EPHA3: variants seen among roughly 807,000 people sequenced by gnomAD.
The protein encoded by EPHA3 is EPH receptor A3.
In EPHA3, 42 loss-of-function variants were observed where a neutral mutation model predicts 107.1. That is an observed-to-expected ratio of 0.39 (90% CI 0.31 to 0.51). EPHA3 has a LOEUF of 0.51. EPHA3 is among the 20% of genes least tolerant of loss of function. The pLI, the probability that EPHA3 is intolerant of heterozygous loss-of-function variation, is 0.78. For synonymous variants in EPHA3, 461 were observed against 424.8 expected, an observed-to-expected ratio of 1.09 and a Z score of -1.05; for missense variants, 1,183 against 1,211.2, an observed-to-expected ratio of 0.98 and a Z score of 0.35.
At chr3:89,391,679 C>T (rs1300599581) in intron 5 of EPHA3, among the ~76,000 whole-genome samples, 3 of 151,546 alleles carry the variant, frequency 2.0e-5, no homozygotes, top group Non-Finnish European at 2.9e-5. Context: ...ATGATCCGCC[C>T]GCCTCGGCCT....
chr3:89,454,676 A>T (rs545790155), intron 15 of EPHA3, among the ~76,000 whole-genome samples: 1 of 152,340 alleles, frequency 6.6e-6, no homozygotes, highest in Admixed American at 6.5e-5. Flanking sequence ...CACTTATAAA[A>T]AAATCTCCTT....
chr3:89,214,431 T>C (rs1487713141), intron 3 of EPHA3, among the ~76,000 whole-genome samples: 1 of 151,964 alleles, frequency 6.6e-6, no homozygotes, highest in African/African-American at 2.4e-5. Flanking sequence ...TTTTAGAACA[T>C]TTAGATATGA....
At chr3:89,199,286 G>A (rs1301159327) in intron 2 of EPHA3, among the ~76,000 whole-genome samples, 6 of 152,094 alleles carry the variant, frequency 3.9e-5, no homozygotes, top group Non-Finnish European at 8.8e-5. Flanking sequence ...CATCACGATA[G>A]TTTTAAAAAG....
intron 3 of EPHA3, among the ~76,000 whole-genome samples, chr3:89,216,940 CT>C (rs1006213670): frequency 2.0e-5 from 3 of 152,058 alleles, no homozygotes; most frequent in Non-Finnish European, 2.9e-5. Context: ...AGAACTAGAT[CT>C]TTTTTTCCCT....
chr3:89,413,347 T>C, intron 10 of EPHA3, 81 bp downstream of exon 10: 1 of 1,527,746 alleles, frequency 6.5e-7, no homozygotes, highest in Non-Finnish European at 9.0e-7. Flanking sequence ...AGTATATTGC[T>C]AAAGAAATGG....
chr3:89,190,587 C>T (rs563667863), intron 2 of EPHA3, among the ~76,000 whole-genome samples: 9 of 152,222 alleles, frequency 5.9e-5, no homozygotes, highest in African/African-American at 1.7e-4. Context: ...CATGTTGACA[C>T]GATTGCTTCC....
At chr3:89,146,393 C>T (rs1402962934) in intron 2 of EPHA3, among the ~76,000 whole-genome samples, 1 of 151,826 alleles carries the variant, frequency 6.6e-6, no homozygotes, top group Non-Finnish European at 1.5e-5. Flanking sequence ...CTAATGACAA[C>T]TGATGATGAG....
intron 2 of EPHA3, among the ~76,000 whole-genome samples, chr3:89,188,305 T>G (rs1348740827): frequency 6.6e-6 from 1 of 152,174 alleles, no homozygotes. Context: ...ACGCTGTGGC[T>G]CAGTCGTCAA....
intron 14 of EPHA3, among the ~76,000 whole-genome samples, 155 bp downstream of exon 14, chr3:89,449,529 T>TGCA (rs1333819874): frequency 1.3e-5 from 2 of 152,178 alleles, no homozygotes; most frequent in African/African-American, 4.8e-5. Context: ...GCAAGGATAT[T>TGCA]ATATTAATTG....
intron 3 of EPHA3, among the ~76,000 whole-genome samples, chr3:89,339,781 A>T (rs535739550): frequency 1.2e-4 from 18 of 152,200 alleles, no homozygotes; most frequent in Non-Finnish European, 2.5e-4. Context: ...ATGACCATCT[A>T]TAGGGCCTAT....
intron 5 of EPHA3, among the ~76,000 whole-genome samples, chr3:89,381,201 T>C (rs191255209): frequency 0.016 from 2,408 of 151,338 alleles, 65 homozygotes; most frequent in African/African-American, 0.055. Context: ...CTCGATCTCC[T>C]GACCTCGTGA....
At chr3:89,211,705 T>C (rs1175513084) in intron 3 of EPHA3, among the ~76,000 whole-genome samples, 102 of 147,792 alleles carry the variant, frequency 6.9e-4, no homozygotes, top group Admixed American at 6.3e-3. Flanking sequence ...CCTCCCCCTC[T>C]TCCTCTTCCT....
intron 2 of EPHA3, among the ~76,000 whole-genome samples, chr3:89,195,795 C>T (rs1274004000): frequency 6.6e-6 from 1 of 152,126 alleles, no homozygotes; most frequent in East Asian, 1.9e-4. Context: ...CCTCATCTAG[C>T]CCATCCTAAA....
chr3:89,177,631 G>T (rs1193832113), intron 2 of EPHA3, among the ~76,000 whole-genome samples: 1 of 152,124 alleles, frequency 6.6e-6, no homozygotes, highest in East Asian at 1.9e-4. Context: ...GTTTTGAAAA[G>T]CCACTCAAAT....
intron 3 of EPHA3, among the ~76,000 whole-genome samples, chr3:89,247,953 C>G (rs370289527): frequency 1.4e-4 from 22 of 152,110 alleles, no homozygotes; most frequent in African/African-American, 5.1e-4. Flanking sequence ...CCTTGATGTT[C>G]TTTGTCTATT....
chr3:89,295,701 A>G (rs1211626811), intron 3 of EPHA3, among the ~76,000 whole-genome samples: 5 of 151,944 alleles, frequency 3.3e-5, no homozygotes, highest in Non-Finnish European at 7.4e-5. Flanking sequence ...AGAGATTCTC[A>G]TGCCTCAGCC....
chr3:89,395,928 C>CT lies in EPHA3; in HGVS notation c.1398_1399insT (p.Ile467TyrfsTer10). 6.2e-7 allele frequency: 1 copy of CT among 1,613,932 alleles called. No individual in the cohort carries two copies. Among genetic ancestry groups the CT allele is most frequent in the South Asian group, 1.1e-5 (1 of 91,020 alleles). Reference sequence around the variant, plus strand: ...AAGAACCTGAACATCCTAATGGGATCATATTGGACTACGAGGTCAAATACT... The same window carrying CT: ...AAGAACCTGAACATCCTAATGGGATCTATATTGGACTACGAGGTCAAATACT... On this transcript the variant is annotated frameshift_variant, in exon 6 of 17. Transcript: ENST00000336596. LOFTEE classifies it high-confidence loss of function.
chr3:89,375,415 G>A (rs1576344173), intron 5 of EPHA3, among the ~76,000 whole-genome samples: 1 of 151,704 alleles, frequency 6.6e-6, no homozygotes, highest in Non-Finnish European at 1.5e-5. Context: ...AGGAAAGGAA[G>A]GCAGCCACTG....
At chr3:89,447,592 C>T (rs1280601589) in intron 13 of EPHA3, among the ~76,000 whole-genome samples, 1 of 152,142 alleles carries the variant, frequency 6.6e-6, no homozygotes, top group East Asian at 1.9e-4. Context: ...CTTCCTCTTC[C>T]ATTATATTTC....
Sources: allele counts gnomAD v4.1 joint callset (sites outside exome capture counted in the v4.1 genomes callset), GRCh38; gene constraint gnomAD v4.1.1; transcripts MANE v1.5; gene names NCBI Gene and HGNC (gene_info 2026-07-23, HGNC 2026-07-21).